TXNDC11: variants seen among roughly 807,000 people sequenced by gnomAD.
The protein encoded by TXNDC11 is thioredoxin domain-containing protein 11.
TXNDC11 carries 68 observed loss-of-function variants against 78.0 expected under a neutral mutation model. The observed-to-expected ratio is 0.87, with a 90% CI of 0.72 to 1.07. The LOEUF (loss-of-function observed/expected upper bound fraction) is 1.07. TXNDC11 is among the 50% of genes least tolerant of loss of function. The pLI is 0.00. For missense variants in TXNDC11, 1,389 were observed against 1,221.8 expected (o/e 1.14, Z -2.04); for synonymous variants, 571 against 495.2 (o/e 1.15, Z -2.03).
At chr16:11,727,106 T>TC (rs1042080806) in intron 4 of TXNDC11, among the ~76,000 whole-genome samples, 1 of 152,124 alleles carries the variant, frequency 6.6e-6, no homozygotes, top group Non-Finnish European at 1.5e-5. Context: ...CATCATCACT[T>TC]CCCAAGTAAT....
chr16:11,727,867 A>C (rs2051930075), intron 4 of TXNDC11, among the ~76,000 whole-genome samples: 2 of 152,212 alleles, frequency 1.3e-5, no homozygotes, highest in Non-Finnish European at 2.9e-5. Flanking sequence ...GTAGTTCTTA[A>C]TGGGGGAATT....
intron 5 of TXNDC11, among the ~76,000 whole-genome samples, chr16:11,717,595 G>A (rs1050240171): frequency 6.6e-6 from 1 of 152,186 alleles, no homozygotes; most frequent in East Asian, 1.9e-4. Context: ...GCCGAAGCGG[G>A]CGGATCATGA....
intron 1 of TXNDC11, chr16:11,742,253 G>T: frequency 2.3e-6 from 1 of 439,662 alleles, no homozygotes. Context: ...CGGGACGATA[G>T]GGCGCAGGGC....
chr16:11,729,424 C>T (rs2051978898), intron 4 of TXNDC11, among the ~76,000 whole-genome samples: 2 of 150,866 alleles, frequency 1.3e-5, no homozygotes, highest in African/African-American at 4.9e-5. Flanking sequence ...ACTAGATATA[C>T]TGCTGCTTGG....
intron 7 of TXNDC11, 97 bp downstream of exon 7, chr16:11,698,028 A>T: frequency 8.7e-7 from 1 of 1,144,754 alleles, no homozygotes; most frequent in Non-Finnish European, 1.3e-6. Flanking sequence ...GGCAGCCATT[A>T]GCTGCCAGAG....
intron 5 of TXNDC11, among the ~76,000 whole-genome samples, chr16:11,702,870 C>G (rs570920901): frequency 1.3e-5 from 2 of 152,078 alleles, no homozygotes; most frequent in South Asian, 2.1e-4. Flanking sequence ...AGGATGAGGT[C>G]GGAGTGAGTA....
intron 5 of TXNDC11, among the ~76,000 whole-genome samples, chr16:11,709,140 C>T (rs542430513): frequency 1.3e-5 from 2 of 152,168 alleles, no homozygotes; most frequent in East Asian, 1.9e-4. Flanking sequence ...TTTCAAACTT[C>T]TTAATATAAA....
At chr16:11,701,517 G>T (rs556318528) in intron 5 of TXNDC11, among the ~76,000 whole-genome samples, 21 of 152,018 alleles carry the variant, frequency 1.4e-4, no homozygotes, top group Non-Finnish European at 2.5e-4. Flanking sequence ...CAGAAGTGCC[G>T]GGGTGTATAG....
chr16:11,688,129 G>A (rs1448119313), intron 9 of TXNDC11, among the ~76,000 whole-genome samples, 163 bp from the exon 10 acceptor site: 4 of 152,074 alleles, frequency 2.6e-5, no homozygotes, highest in Non-Finnish European at 5.9e-5. Flanking sequence ...GTGCTTTCTG[G>A]AGCACTTTTC....
chr16:11,732,507 C>T (rs773605125), intron 3 of TXNDC11, among the ~76,000 whole-genome samples: 5 of 152,068 alleles, frequency 3.3e-5, no homozygotes, highest in African/African-American at 9.7e-5. Context: ...TTCCTGTATC[C>T]GAAAAAACCT....
chr16:11,710,751 G>T (rs1480666310), intron 5 of TXNDC11, among the ~76,000 whole-genome samples: 1 of 152,186 alleles, frequency 6.6e-6, no homozygotes, highest in Non-Finnish European at 1.5e-5. Context: ...GGAGTTTGAA[G>T]CTGCAATGAG....
At position 11,691,498 on chromosome 16, in the gene TXNDC11, C is replaced by T. The variant is rs141661537; in HGVS notation, c.1692G>A (p.Met564Ile). 3.5e-5 allele frequency: 56 copies of T among 1,614,180 alleles called. No homozygotes were observed. The African/African-American group carries it at 4.8e-4, about 14-fold the overall frequency. ...TCAGGCCTGTGAAGTTTGTGCTAGT[C>T]ATGTCCACTTCTGGAAAGAGATACC... ...ENRYLFPEVD[M>I]TSTNFTGLSC... Residue 564 changes from methionine (M) to isoleucine (I), a missense_variant, in exon 8 of 12, where the codon ATG (methionine) becomes ATA (isoleucine). Transcript: ENST00000283033.
chr16:11,698,222 T>C lies in TXNDC11; in HGVS notation c.1010A>G (p.Lys337Arg), dbSNP rs768093601. The C allele has an allele frequency of 1.9e-6, 3 of 1,614,208 alleles. No individual in the cohort carries two copies. Among genetic ancestry groups the C allele is most frequent in the East Asian group, 4.5e-5 (2 of 44,888 alleles). The stretch of plus-strand genomic sequence containing the variant: ...CAGCTCGTTATTCAGCAGGAGACTC[T>C]TGCCTCCGTGTGGCCGCAGCCACCG... ...LFRWLRPHGG[K>R]SLLLNNELKK... is the part of the protein sequence containing the mutation. Residue 337 changes from lysine (K) to arginine (R), a missense_variant, in exon 7 of 12, where the codon AAG (lysine) becomes AGG (arginine). Transcript: ENST00000283033.
chr16:11,733,475 G>A (rs918476327), intron 3 of TXNDC11, among the ~76,000 whole-genome samples: 3 of 150,356 alleles, frequency 2.0e-5, no homozygotes, highest in Admixed American at 6.6e-5. Context: ...TGCAGTGAGC[G>A]GAGATCGCGC....
At chr16:11,695,038 T>C (rs7196851) in intron 7 of TXNDC11, among the ~76,000 whole-genome samples, 6,486 of 152,308 alleles carry the variant, frequency 0.043, 498 homozygotes, top group African/African-American at 0.15. Flanking sequence ...ATGCCTCAAA[T>C]AAACACCTTT....
chr16:11,680,688 G>A (rs372176128), intron 11 of TXNDC11, among the ~76,000 whole-genome samples: 3 of 152,240 alleles, frequency 2.0e-5, no homozygotes, highest in East Asian at 1.9e-4. Context: ...GCCGGCAGCC[G>A]AGTTTGTCTC....
Position 11,712,926 on chromosome 16 carries a change from T to TG in TXNDC11, c.793+8650_793+8651insC, listed in dbSNP as rs551185662. 1.3e-3 allele frequency among the ~76,000 whole-genome samples: 104 copies of TG among 77,146 alleles called. No homozygotes were observed. In the Middle Eastern group the frequency reaches 0.025, roughly 19 times the overall value. 50.6% of individuals were successfully genotyped at this position (77,146 alleles called of 152,430 possible). Reference sequence around the variant, plus strand: ...AACATGGAGAAACCCCATTTCCACTTAAAACACACACACACACACACACAC... The same window carrying TG: ...AACATGGAGAAACCCCATTTCCACTTGAAAACACACACACACACACACACAC... On this transcript the variant is annotated intron_variant, in intron 5 of 11. Coordinates refer to ENST00000283033, the MANE Select transcript of TXNDC11 (RefSeq NM_015914.7).
chr16:11,712,485 G>A lies in TXNDC11; in HGVS notation c.793+9092C>T, dbSNP rs535702292. On this transcript the variant is annotated intron_variant, in intron 5 of 11. Coordinates refer to ENST00000283033, the MANE Select transcript of TXNDC11 (RefSeq NM_015914.7). ...AGCAACCCTACTTCTTGGCCACACT[G>A]GCTGGTGGCTCCTGCTGATGGCAGG... 2.6e-5 allele frequency among the ~76,000 whole-genome samples: 4 copies of A among 152,252 alleles called. No homozygotes were observed. The East Asian group carries it at 5.8e-4, about 22-fold the overall frequency.
At chr16:11,711,110 A>G (rs768024902) in intron 5 of TXNDC11, among the ~76,000 whole-genome samples, 4 of 152,124 alleles carry the variant, frequency 2.6e-5, no homozygotes, top group Non-Finnish European at 4.4e-5. Context: ...GGCAGACATT[A>G]GGCAGGGAAA....
Sources: gnomAD v4.1 joint callset for allele counts (sites outside exome capture counted in the v4.1 genomes callset) on GRCh38, gnomAD v4.1.1 for gene constraint, MANE v1.5 for transcripts, NCBI Gene and HGNC (gene_info 2026-07-23, HGNC 2026-07-21) for gene names.